Variants in OSBPL5 observed in about 807,000 individuals in gnomAD.
The protein encoded by OSBPL5 is oxysterol-binding protein-related protein 5.
OSBPL5 carries 71 observed loss-of-function variants against 111.2 expected under a neutral mutation model. The ratio of observed to expected loss-of-function variants is 0.64; its 90% CI spans 0.53 to 0.78. The LOEUF (loss-of-function observed/expected upper bound fraction) is 0.78, where lower values mean the gene tolerates loss of function less well. Ranked by LOEUF, OSBPL5 falls within the 30% of genes least tolerant of loss-of-function variation. The pLI, the probability that OSBPL5 is intolerant of heterozygous loss-of-function variation, is 0.00. For missense variants in OSBPL5, 1,210 were observed against 1,189.3 expected (o/e 1.02, Z -0.26); for synonymous variants, 549 against 513.9 (o/e 1.07, Z -0.93).
chr11:3,127,556 C>T (rs1858670949), intron 2 of OSBPL5, among the ~76,000 whole-genome samples: 1 of 152,224 alleles, frequency 6.6e-6, no homozygotes, highest in Admixed American at 6.5e-5. Context: ...TGGCTGCTCC[C>T]CCACCTGGGA....
At chr11:3,125,783 T>C (rs1406536462) in intron 3 of OSBPL5, among the ~76,000 whole-genome samples, 22 of 131,636 alleles carry the variant, frequency 1.7e-4, no homozygotes, top group African/African-American at 6.4e-4. Context: ...CCAGCCTGGG[T>C]GACAGAGCGA....
rs377209404 is a variant in OSBPL5 at position 3,090,622 on chromosome 11, G to A, written c.2334C>T (p.Ser778=). 15 of 1,612,944 alleles carry A rather than the reference G, an allele frequency of 9.3e-6. No individual in the cohort carries two copies. The highest frequency in any genetic ancestry group is 2.7e-5 in the African/African-American group (2 of 74,938). The change falls in exon 20 of 22, where the codon AGC becomes AGT. Residue 778 remains serine (S), a synonymous_variant. Coordinates refer to ENST00000263650, the MANE Select transcript of OSBPL5 (RefSeq NM_020896.4). Reference sequence around the variant, plus strand: ...CTGGGCAGGACTCAGGCGTGGATCCGCTGCTCTCCGTGGCCTGGCTGTGGC... The same window carrying A: ...CTGGGCAGGACTCAGGCGTGGATCCACTGCTCTCCGTGGCCTGGCTGTGGC... ...PSGHSQATES[S]GSTPESCPEL... is the part of the protein sequence containing the mutation.
At chr11:3,122,574 C>G (rs1039254670) in intron 3 of OSBPL5, 146 bp from the exon 4 acceptor site, 3 of 674,614 alleles carry the variant, frequency 4.4e-6, no homozygotes, top group Non-Finnish European at 7.4e-6. Flanking sequence ...TCCATCCCCC[C>G]CACCAGCACT....
At chr11:3,137,148 C>A (rs918168576) in intron 1 of OSBPL5, among the ~76,000 whole-genome samples, 2 of 152,176 alleles carry the variant, frequency 1.3e-5, no homozygotes, top group Non-Finnish European at 2.9e-5. Context: ...TGTGAGGAAA[C>A]CACGCAGGCC....
intron 6 of OSBPL5, 94 bp downstream of exon 6, chr11:3,120,327 T>C: frequency 6.8e-7 from 1 of 1,468,058 alleles, no homozygotes. Context: ...AAGGGGGCCA[T>C]TCAGCTGGTT....
intron 2 of OSBPL5, among the ~76,000 whole-genome samples, chr11:3,127,321 G>A (rs1056359513): frequency 1.3e-5 from 2 of 152,194 alleles, no homozygotes; most frequent in East Asian, 3.9e-4. Context: ...TCCTGCCAAG[G>A]CCACAGGCGA....
rs1252751021 is a variant in OSBPL5, at chr11:3,142,720, C to T, written c.-21-13551G>A. ...ACCTGTCCCTCTGTCTCCGTGTCCG[C>T]GGGGCCCGGCAGGAAGTCGTGTGCA... On this transcript the variant is annotated intron_variant, in intron 1 of 21. Transcript: ENST00000263650. The surrounding 1 kb of genome is among the most constrained non-coding windows in gnomAD (Gnocchi z 7.1). Among the ~76,000 whole-genome samples, 1 of 152,094 alleles carries T rather than the reference C, an allele frequency of 6.6e-6. No individual in the cohort carries two copies. Among genetic ancestry groups the T allele is most frequent in the Non-Finnish European group, 1.5e-5 (1 of 68,032 alleles).
At chr11:3,131,699 T>TATCC (rs796941353) in intron 1 of OSBPL5, among the ~76,000 whole-genome samples, 2,361 of 79,076 alleles carry the variant, frequency 0.03, 71 homozygotes, top group African/African-American at 0.065. Context: ...CCCATTCATC[T>TATCC]ATCCATCCAT....
chr11:3,128,471 T>A (rs997846106), intron 2 of OSBPL5, among the ~76,000 whole-genome samples: 13 of 152,000 alleles, frequency 8.6e-5, no homozygotes, highest in Non-Finnish European at 1.6e-4. Flanking sequence ...GCCTGGAGAG[T>A]GGCAGCATTG....
chr11:3,119,793 G>A (rs773359042), intron 6 of OSBPL5, 162 bp from the exon 7 acceptor site: 24 of 583,372 alleles, frequency 4.1e-5, no homozygotes, highest in Non-Finnish European at 6.4e-5. Context: ...GTAGACACTT[G>A]GCTGCAGAGA....
At chr11:3,115,653 C>G (rs189533913) in intron 7 of OSBPL5, among the ~76,000 whole-genome samples, 1 of 152,172 alleles carries the variant, frequency 6.6e-6, no homozygotes, top group Non-Finnish European at 1.5e-5. Flanking sequence ...TGATGCAAGA[C>G]TAGCATATGG....
intron 13 of OSBPL5, among the ~76,000 whole-genome samples, chr11:3,100,965 T>C (rs1418553588): frequency 6.8e-6 from 1 of 147,188 alleles, no homozygotes. Context: ...AGTTTCAGTT[T>C]CATTTCTTTT....
intron 13 of OSBPL5, 51 bp from the exon 14 acceptor site, chr11:3,100,307 A>T: frequency 6.6e-7 from 1 of 1,526,396 alleles, no homozygotes; most frequent in South Asian, 1.1e-5. Flanking sequence ...GCCCTTTCAC[A>T]TCTGAGGCCA....
intron 21 of OSBPL5, among the ~76,000 whole-genome samples, chr11:3,089,463 AAGCC>A (rs1355601295): frequency 1.3e-5 from 2 of 152,100 alleles, no homozygotes; most frequent in Non-Finnish European, 1.5e-5. Context: ...CATTCCTGAG[AAGCC>A]ACTGTGCGCA....
chr11:3,103,092 T>C lies in OSBPL5; in HGVS notation c.1326+147A>G, dbSNP rs546891885. ...GCCCTGTCCCCCATCACCAAGGACC[T>C]GGGCCCTCTGTGGGGGTGACCAGGA... is the stretch of plus-strand genomic sequence containing the variant. On this transcript the variant is annotated intron_variant, in intron 11 of 21. Coordinates refer to ENST00000263650, the MANE Select transcript of OSBPL5 (RefSeq NM_020896.4). 7 of 645,012 alleles carry C rather than the reference T, an allele frequency of 1.1e-5. No individual in the cohort carries two copies. The East Asian group carries it at 2.2e-4, about 20-fold the overall frequency. 40.0% of individuals were successfully genotyped at this position (645,012 alleles called of 1,614,324 possible). A position where few individuals can be genotyped will look rare whatever the true frequency, so the allele number is the denominator to read the frequency against.
chr11:3,120,403 C>T lies in OSBPL5; in HGVS notation c.606+18G>A, dbSNP rs1417438362. On this transcript the variant is annotated intron_variant, in intron 6 of 21. Transcript: ENST00000263650. Reference sequence around the variant, plus strand: ...GCCCTACGGGGCCTCTGTCTTCAACCCCACCCCTCCGCAGCACCTTCACGG... The same window carrying T: ...GCCCTACGGGGCCTCTGTCTTCAACTCCACCCCTCCGCAGCACCTTCACGG... 4 of 1,606,880 alleles carry T rather than the reference C, an allele frequency of 2.5e-6. No homozygotes were observed. In the African/African-American group the frequency reaches 4.0e-5, roughly 16 times the overall value.
rs775147478 is a variant in OSBPL5 at position 3,102,205 on chromosome 11, C to T, written c.1403G>A (p.Arg468His). The T allele has an allele frequency of 3.3e-5, 53 of 1,606,364 alleles. No homozygotes were observed. The highest frequency in any genetic ancestry group is 1.4e-4 in the Admixed American group (8 of 58,670). The change falls in exon 12 of 22, where the codon CGC becomes CAC. Residue 468 changes from arginine (R) to histidine (H), a missense_variant. Arg to His is a conservative substitution (Grantham distance 29). Transcript: ENST00000263650. ...TGCCTGCTCTGCTATGTAGAATGTGCGGCTGTCAGTCTGCGGGTGGAACCA... is the reference window on the plus strand; with the variant it reads ...TGCCTGCTCTGCTATGTAGAATGTGTGGCTGTCAGTCTGCGGGTGGAACCA... ...CCWFHPQTDS[R>H]TFYIAEQVSH...
At chr11:3,160,704 C>T (rs550004138) in intron 1 of OSBPL5, among the ~76,000 whole-genome samples, 1 of 146,120 alleles carries the variant, frequency 6.8e-6, no homozygotes, top group East Asian at 2.2e-4. Flanking sequence ...ACACCGAGCG[C>T]CGTATTCACC....
At chr11:3,129,225 AG>A in intron 1 of OSBPL5, 56 bp from the exon 2 acceptor site, 1 of 1,342,362 alleles carries the variant, frequency 7.4e-7, no homozygotes, top group Non-Finnish European at 9.6e-7. Flanking sequence ...GGGGCTTCAG[AG>A]CCACATGGTG....
Sources: allele counts gnomAD v4.1 joint callset (sites outside exome capture counted in the v4.1 genomes callset), GRCh38; gene constraint gnomAD v4.1.1; non-coding constraint Gnocchi (gnomAD v3.1); transcripts MANE v1.5; gene names NCBI Gene and HGNC (gene_info 2026-07-23, HGNC 2026-07-21).